Variants in KANK1 observed in about 807,000 individuals in gnomAD.
The protein encoded by KANK1 is KN motif and ankyrin repeat domain-containing protein 1.
KANK1 carries 109 observed loss-of-function variants against 106.2 expected under a neutral mutation model. The ratio of observed to expected loss-of-function variants is 1.03; its 90% confidence interval spans 0.88 to 1.20. The LOEUF (loss-of-function observed/expected upper bound fraction) is 1.20, where lower values mean the gene tolerates loss of function less well. Among genes scored for constraint, KANK1 ranks in the 50% most tolerant of loss-of-function variants. KANK1 has a pLI of 0.00. For missense variants in KANK1, 2,399 were observed against 1,710.7 expected (o/e 1.40, Z -7.10); for synonymous variants, 873 against 652.2 (o/e 1.34, Z -5.16).
intron 1 of KANK1, among the ~76,000 whole-genome samples, chr9:633,096 T>C (rs1292135672): frequency 6.6e-6 from 1 of 152,156 alleles, no homozygotes; most frequent in Non-Finnish European, 1.5e-5. Context: ...TCGTGACTTT[T>C]TCTACACTCA....
intron 1 of KANK1, among the ~76,000 whole-genome samples, chr9:553,628 G>A (rs1334675114): frequency 1.3e-5 from 2 of 152,172 alleles, no homozygotes; most frequent in African/African-American, 4.8e-5. Context: ...ATGTAATGAA[G>A]CGTTTCCTTA....
intron 1 of KANK1, among the ~76,000 whole-genome samples, chr9:533,740 T>G (rs1444583768): frequency 2.0e-5 from 3 of 152,190 alleles, no homozygotes; most frequent in Non-Finnish European, 4.4e-5. Context: ...GTGAGACAGA[T>G]GCAAAGGTCA....
At chr9:535,158 GCCTCCTTTTTTT>G (rs2060239442) in intron 1 of KANK1, among the ~76,000 whole-genome samples, 1 of 152,268 alleles carries the variant, frequency 6.6e-6, no homozygotes, top group Non-Finnish European at 1.5e-5. Flanking sequence ...AAACAACGCA[GCCTCCTTTTTTT>G]CTTTCTCTGT....
rs59053892 is a variant in KANK1 at position 647,999 on chromosome 9, C to CTTT, written c.-83-28873_-83-28871dup. Among the ~76,000 whole-genome samples the CTTT allele has an allele frequency of 3.3e-3, 396 of 118,302 alleles. 20 individuals are homozygous for CTTT. The highest frequency in any genetic ancestry group is 0.013 in the African/African-American group (371 of 27,772). 77.6% of individuals were successfully genotyped at this position (118,302 alleles called of 152,430 possible). A position where few individuals can be genotyped will look rare whatever the true frequency, so the allele number is the denominator to read the frequency against. ...GACCACCATTTCTGGGGGTTGTTAT[C>CTTT]TTTTTTTTTTTTTTTTTTTTGATAC... On this transcript the variant is annotated intron_variant, in intron 1 of 11. Transcript: ENST00000382297.
At chr9:591,741 C>G (rs1182935316) in intron 1 of KANK1, among the ~76,000 whole-genome samples, 4 of 151,790 alleles carry the variant, frequency 2.6e-5, no homozygotes, top group Admixed American at 2.0e-4. Flanking sequence ...ACTCTGCAAC[C>G]TCTGCCTCCT....
At chr9:567,292 G>C (rs1818038756) in intron 1 of KANK1, among the ~76,000 whole-genome samples, 2 of 152,206 alleles carry the variant, frequency 1.3e-5, no homozygotes, top group South Asian at 2.1e-4. Flanking sequence ...CTCCAGCTTT[G>C]TTCTTTTTGC....
At chr9:534,803 A>G (rs1419593287) in intron 1 of KANK1, among the ~76,000 whole-genome samples, 1 of 152,192 alleles carries the variant, frequency 6.6e-6, no homozygotes, top group Admixed American at 6.5e-5. Context: ...TGTTTACAAT[A>G]AGAAAGCTGT....
chr9:563,319 C>T (rs949450997), intron 1 of KANK1, among the ~76,000 whole-genome samples: 1 of 151,614 alleles, frequency 6.6e-6, no homozygotes, highest in Non-Finnish European at 1.5e-5. Context: ...TTTTTCTGTT[C>T]TTTGTGCATT....
intron 1 of KANK1, among the ~76,000 whole-genome samples, chr9:561,348 TTGATA>T (rs1248782677): frequency 6.6e-6 from 1 of 152,220 alleles, no homozygotes; most frequent in African/African-American, 2.4e-5. Flanking sequence ...ATGTAACTAT[TTGATA>T]TGTTCATATG....
intron 1 of KANK1, among the ~76,000 whole-genome samples, chr9:554,308 C>G (rs2061452007): frequency 6.6e-6 from 1 of 152,160 alleles, no homozygotes; most frequent in South Asian, 2.1e-4. Flanking sequence ...GCGCTGATGT[C>G]TGAGGGCAGG....
intron 1 of KANK1, among the ~76,000 whole-genome samples, chr9:670,733 C>G (rs1845685293): frequency 6.6e-6 from 1 of 152,120 alleles, no homozygotes; most frequent in African/African-American, 2.4e-5. Context: ...GGTGGTATCT[C>G]CCTTCAGGCA....
At chr9:490,822 C>T (rs1054556371) in intron 3 of KANK1, among the ~76,000 whole-genome samples, 7 of 152,056 alleles carry the variant, frequency 4.6e-5, no homozygotes, top group Non-Finnish European at 1.0e-4. Flanking sequence ...AATTCTTGCT[C>T]TTGTGGAGCT....
intron 1 of KANK1, among the ~76,000 whole-genome samples, chr9:595,216 C>G (rs1215797389): frequency 6.6e-6 from 1 of 151,546 alleles, no homozygotes; most frequent in Non-Finnish European, 1.5e-5. Flanking sequence ...GAGTTCAAGA[C>G]CAGTTGGGGC....
chr9:635,984 C>T (rs1289046423), intron 1 of KANK1, among the ~76,000 whole-genome samples: 2 of 152,118 alleles, frequency 1.3e-5, no homozygotes, highest in Non-Finnish European at 2.9e-5. Flanking sequence ...TTTATTCCTT[C>T]TTAATGAGGC....
chr9:631,874 A>T (rs1028451137), intron 1 of KANK1, among the ~76,000 whole-genome samples: 14 of 152,192 alleles, frequency 9.2e-5, no homozygotes, highest in Non-Finnish European at 1.6e-4. Context: ...GTGTCCTCAG[A>T]TAACCCTTCT....
chr9:608,048 T>TTGA (rs1829712365), intron 1 of KANK1, among the ~76,000 whole-genome samples: 1 of 144,418 alleles, frequency 6.9e-6, no homozygotes, highest in African/African-American at 2.6e-5. Flanking sequence ...TTTTTTTTTT[T>TTGA]GAGACGGAGT....
At chr9:581,993 A>G (rs1156782464) in intron 1 of KANK1, among the ~76,000 whole-genome samples, 1 of 152,176 alleles carries the variant, frequency 6.6e-6, no homozygotes, top group African/African-American at 2.4e-5. Context: ...TTTCTCCTCA[A>G]GAAGGTAAGC....
At chr9:659,184 T>G (rs1040678742) in intron 1 of KANK1, among the ~76,000 whole-genome samples, 4 of 152,210 alleles carry the variant, frequency 2.6e-5, no homozygotes, top group South Asian at 2.1e-4. Context: ...TATTTTTGAA[T>G]AAATGAGTGA....
chr9:649,326 A>T (rs1394286977), intron 1 of KANK1, among the ~76,000 whole-genome samples: 1 of 152,070 alleles, frequency 6.6e-6, no homozygotes, highest in South Asian at 2.1e-4. Context: ...CATCTACTTA[A>T]CATTTTAACA....
Sources: gnomAD v4.1 joint callset for allele counts (sites outside exome capture counted in the v4.1 genomes callset) on GRCh38, gnomAD v4.1.1 for gene constraint, MANE v1.5 for transcripts, NCBI Gene and HGNC (gene_info 2026-07-23, HGNC 2026-07-21) for gene names.